The following CFAP47 variants were observed in gnomAD, a reference collection of about 807,000 sequenced individuals.
CFAP47 encodes cilia- and flagella-associated protein 47.
CFAP47 carries 29 observed loss-of-function variants against 148.1 expected under a neutral mutation model. The ratio of observed to expected loss-of-function variants is 0.20; its 90% CI spans 0.15 to 0.27. The LOEUF (loss-of-function observed/expected upper bound fraction) is 0.27, where lower values mean the gene tolerates loss of function less well. Ranked by LOEUF, CFAP47 falls within the 10% of genes least tolerant of loss-of-function variation. CFAP47 has a pLI of 1.00. For synonymous variants in CFAP47, 664 were observed against 577.3 expected, an observed-to-expected ratio of 1.15 and a Z score of -2.15; for missense variants, 1,872 against 1,697.5, an observed-to-expected ratio of 1.10 and a Z score of -1.81.
At chrX:36,199,471 A>G (rs781998293) in intron 42 of CFAP47, among the ~76,000 whole-genome samples, 28 of 111,936 alleles carry the variant, frequency 2.5e-4, no homozygotes, top group Non-Finnish European at 4.5e-4. Context: ...AAATTGAGGC[A>G]ACATTAATAT....
At chrX:36,063,326 GCTATTGGTACTACCAACT>G (rs1937609531) in intron 26 of CFAP47, among the ~76,000 whole-genome samples, 3 of 111,039 alleles carry the variant, frequency 2.7e-5, no homozygotes, top group African/African-American at 9.8e-5. Flanking sequence ...TAAAATATAG[GCTATTGGTACTACCAACT>G]GTATGTCCTT....
intron 13 of CFAP47, among the ~76,000 whole-genome samples, chrX:35,973,764 G>A (rs764715866): frequency 3.6e-5 from 4 of 111,933 alleles, no homozygotes; most frequent in Non-Finnish European, 7.5e-5. Flanking sequence ...TGTGAAATGG[G>A]AAGTGATAAT....
intron 1 of CFAP47, among the ~76,000 whole-genome samples, chrX:35,925,267 G>C (rs909157095): frequency 9.1e-6 from 1 of 110,372 alleles, no homozygotes; most frequent in African/African-American, 3.3e-5. Flanking sequence ...CCAGCTACTC[G>C]GGAGGCTGAG....
intron 39 of CFAP47, among the ~76,000 whole-genome samples, chrX:36,170,047 C>T (rs974018550): frequency 4.5e-5 from 5 of 111,254 alleles, no homozygotes; most frequent in African/African-American, 6.5e-5. Context: ...TTACAACTTC[C>T]GTGGATGCAA....
At chrX:36,272,227 T>G (rs1246099886) in intron 49 of CFAP47, among the ~76,000 whole-genome samples, 3 of 111,910 alleles carry the variant, frequency 2.7e-5, no homozygotes, top group African/African-American at 9.7e-5. Context: ...AAACATGGCT[T>G]TACTGGCAAA....
Position 36,150,501 on chromosome X carries a change from G to A in CFAP47, c.5786+1278G>A, listed in dbSNP as rs186853569. Among the ~76,000 whole-genome samples the A allele has an allele frequency of 2.9e-4, 32 of 112,104 alleles. No homozygotes were observed. In the East Asian group the frequency reaches 7.0e-3, roughly 25 times the overall value. On this transcript the variant is annotated intron_variant, in intron 37 of 63. Coordinates refer to ENST00000378653, the MANE Select transcript of CFAP47 (RefSeq NM_001304548.2). Reference sequence around the variant, plus strand: ...TATTTTTCTCCAATGAAATGTGATAGATAACTACTAAAGTTACTTTGCTTG... The same window carrying A: ...TATTTTTCTCCAATGAAATGTGATAAATAACTACTAAAGTTACTTTGCTTG...
chrX:36,066,942 G>T (rs1405136017), intron 27 of CFAP47, among the ~76,000 whole-genome samples: 1 of 111,759 alleles, frequency 8.9e-6, no homozygotes, highest in African/African-American at 3.3e-5. Context: ...AAAAATTCAG[G>T]GGTAAGGAAG....
At chrX:36,234,244 A>C (rs1602059950) in intron 46 of CFAP47, among the ~76,000 whole-genome samples, 1 of 110,713 alleles carries the variant, frequency 9.0e-6, no homozygotes, top group East Asian at 2.8e-4. Context: ...CGTCACTTTC[A>C]GGTACACCAA....
At chrX:36,028,604 A>G (rs1476353898) in intron 22 of CFAP47, among the ~76,000 whole-genome samples, 1 of 110,938 alleles carries the variant, frequency 9.0e-6, no homozygotes, top group Non-Finnish European at 1.9e-5. Context: ...TATTTTATTT[A>G]TTTTTAAGCT....
chrX:36,149,585 TTTA>T, intron 37 of CFAP47, among the ~76,000 whole-genome samples: 1 of 87,880 alleles, frequency 1.1e-5, no homozygotes, highest in Non-Finnish European at 2.1e-5. Context: ...ATATATATAT[TTTA>T]TTTATTTATT....
At chrX:36,338,598 T>G (rs1343011659) in intron 57 of CFAP47, among the ~76,000 whole-genome samples, 2 of 111,997 alleles carry the variant, frequency 1.8e-5, no homozygotes, top group Non-Finnish European at 3.8e-5. Flanking sequence ...TTCTTCTGTT[T>G]CTTTAGTGAG....
At chrX:36,065,562 G>A (rs964684759) in intron 26 of CFAP47, 81 bp from the exon 27 acceptor site, 38 of 520,827 alleles carry the variant, frequency 7.3e-5, no homozygotes, top group Non-Finnish European at 1.1e-4. Flanking sequence ...CATCATTAAG[G>A]GCATCTGGGA....
At chrX:35,981,219 TA>T (rs1189552247) in intron 15 of CFAP47, among the ~76,000 whole-genome samples, 1 of 107,245 alleles carries the variant, frequency 9.3e-6, no homozygotes, top group African/African-American at 3.4e-5. Context: ...AAGAACATAG[TA>T]AAGGTGGAAT....
At chrX:36,244,397 A>C (rs1407216435) in intron 48 of CFAP47, among the ~76,000 whole-genome samples, 1 of 111,373 alleles carries the variant, frequency 9.0e-6, no homozygotes, top group Non-Finnish European at 1.9e-5. Context: ...AGAAGAACTA[A>C]ATGATACTGA....
At chrX:36,169,425 GCATCTGGAGCTCTGTTA>G (rs1254702109) in intron 39 of CFAP47, among the ~76,000 whole-genome samples, 1 of 109,586 alleles carries the variant, frequency 9.1e-6, no homozygotes, top group Non-Finnish European at 1.9e-5. Context: ...TGTCCCACAG[GCATCTGGAGCTCTGTTA>G]GTTTTTCTTT....
intron 8 of CFAP47, among the ~76,000 whole-genome samples, chrX:35,960,332 G>T (rs1368115609): frequency 1.1e-5 from 1 of 91,033 alleles, no homozygotes; most frequent in Non-Finnish European, 2.0e-5. Context: ...GCCTAATGTG[G>T]GATGCTTGCA....
At chrX:36,318,623 C>T (rs893124563) in intron 56 of CFAP47, among the ~76,000 whole-genome samples, 2 of 112,003 alleles carry the variant, frequency 1.8e-5, no homozygotes, top group African/African-American at 6.5e-5. Context: ...AGAGTCTGTA[C>T]ATATTCAATG....
At chrX:35,980,300 T>C (rs1479805012) in intron 15 of CFAP47, among the ~76,000 whole-genome samples, 2 of 112,088 alleles carry the variant, frequency 1.8e-5, no homozygotes, top group Admixed American at 1.9e-4. Flanking sequence ...ACTGTGCTCA[T>C]TGGAGGGAGA....
At chrX:35,966,832 T>C (rs1357033231) in intron 9 of CFAP47, 78 bp downstream of exon 9, 1 of 714,440 alleles carries the variant, frequency 1.4e-6, no homozygotes, top group East Asian at 3.7e-5. Flanking sequence ...ACTAATTGCT[T>C]AATTACACAC....
Sources: allele counts gnomAD v4.1 joint callset (sites outside exome capture counted in the v4.1 genomes callset), GRCh38; gene constraint gnomAD v4.1.1; transcripts MANE v1.5; gene names NCBI Gene and HGNC (gene_info 2026-07-23, HGNC 2026-07-21).